GALNT1: variants seen among roughly 807,000 people sequenced by gnomAD.
GALNT1 encodes the protein polypeptide N-acetylgalactosaminyltransferase 1, also known as GalNAc transferase 1.
Under a neutral mutation model 65.7 loss-of-function variants are expected in GALNT1, and 17 were observed. The observed-to-expected ratio is 0.26, with a 90% CI of 0.18 to 0.39. GALNT1 has a LOEUF of 0.39. Ranked by LOEUF, GALNT1 falls within the 10% of genes least tolerant of loss-of-function variation. The probability of loss-of-function intolerance (pLI) is 1.00; values close to 1 mark genes in which losing one functional copy is unlikely to be tolerated. For synonymous variants in GALNT1, 210 were observed against 219.7 expected, an observed-to-expected ratio of 0.96 and a Z score of 0.39; for missense variants, 460 against 672.8, an observed-to-expected ratio of 0.68 and a Z score of 3.50.
At chr18:35,615,054 TA>T (rs1014858232) in intron 1 of GALNT1, among the ~76,000 whole-genome samples, 12 of 151,928 alleles carry the variant, frequency 7.9e-5, no homozygotes, top group Admixed American at 2.0e-4. Flanking sequence ...TTATTGCTAT[TA>T]AAAAAAACAC....
intron 5 of GALNT1, among the ~76,000 whole-genome samples, chr18:35,684,712 G>A (rs1034132537): frequency 6.6e-6 from 1 of 152,184 alleles, no homozygotes; most frequent in African/African-American, 2.4e-5. Context: ...CATTGAGTTG[G>A]CACAAAAGGA....
chr18:35,607,700 A>G (rs1343543116), intron 1 of GALNT1, among the ~76,000 whole-genome samples: 2 of 152,124 alleles, frequency 1.3e-5, no homozygotes, highest in African/African-American at 4.8e-5. Flanking sequence ...TGAAACTTCA[A>G]CTATCATATT....
intron 1 of GALNT1, among the ~76,000 whole-genome samples, chr18:35,629,977 T>C (rs947622463): frequency 7.2e-5 from 11 of 151,964 alleles, no homozygotes; most frequent in Non-Finnish European, 1.6e-4. Flanking sequence ...TACATAATGG[T>C]AAAGGGATCA....
At chr18:35,696,000 C>T (rs2144695584) in intron 9 of GALNT1, among the ~76,000 whole-genome samples, 1 of 152,310 alleles carries the variant, frequency 6.6e-6, no homozygotes, top group Non-Finnish European at 1.5e-5. Flanking sequence ...CTTGTCTGCT[C>T]CATGGTAGAT....
At chr18:35,673,039 T>C (rs1347543953) in intron 3 of GALNT1, among the ~76,000 whole-genome samples, 4 of 152,286 alleles carry the variant, frequency 2.6e-5, no homozygotes, top group Admixed American at 2.6e-4. Flanking sequence ...GCTTTGCCCT[T>C]AGTTTTATGG....
chr18:35,589,161 A>G (rs551612462), intron 1 of GALNT1, among the ~76,000 whole-genome samples: 1 of 152,246 alleles, frequency 6.6e-6, no homozygotes, highest in African/African-American at 2.4e-5. Context: ...TTGACCCAAG[A>G]GGTACAGTAT....
intron 1 of GALNT1, among the ~76,000 whole-genome samples, chr18:35,604,074 C>T (rs1162647444): frequency 2.0e-5 from 3 of 152,098 alleles, no homozygotes; most frequent in Non-Finnish European, 2.9e-5. Flanking sequence ...CCTCACCCTC[C>T]TCCCACCCTT....
intron 2 of GALNT1, among the ~76,000 whole-genome samples, chr18:35,657,897 A>C (rs552711263): frequency 6.6e-6 from 1 of 152,126 alleles, no homozygotes; most frequent in East Asian, 1.9e-4. Flanking sequence ...CTATGTATTT[A>C]TTATTATTTA....
At chr18:35,631,843 G>A (rs2047015558) in intron 1 of GALNT1, among the ~76,000 whole-genome samples, 1 of 152,136 alleles carries the variant, frequency 6.6e-6, no homozygotes, top group Non-Finnish European at 1.5e-5. Flanking sequence ...TAAGCTCATA[G>A]GCAACTTCAG....
chr18:35,692,332 ATATATATATATTC>A lies in GALNT1; in HGVS notation c.1299+16_1299+28del, dbSNP rs1235736770. ...TCTCATTGGGAGAGGTAAGAAATAT[ATATATATATATTC>A]TATGTGGTTATTATGTTCTTACTTT... is the stretch of plus-strand genomic sequence containing the variant. On this transcript the variant is annotated intron_variant, in intron 9 of 11. Transcript: ENST00000269195. 2 of 1,460,824 alleles carry A rather than the reference ATATATATATATTC, an allele frequency of 1.4e-6. No homozygotes were observed. Among genetic ancestry groups the A allele is most frequent in the South Asian group, 2.6e-5 (2 of 77,538 alleles). The allele number at this position is 1,460,824 out of a possible 1,614,324, so 90.5% of individuals were successfully genotyped here.
chr18:35,688,711 C>T (rs547978906), intron 6 of GALNT1, among the ~76,000 whole-genome samples: 3 of 152,232 alleles, frequency 2.0e-5, no homozygotes, highest in Middle Eastern at 3.4e-3. Flanking sequence ...TACTATTTGC[C>T]ACCCTTTAGA....
In GALNT1 at chr18:35,630,725, G is replaced by C. The variant is rs2046994650; in HGVS notation, c.-103-23835G>C. 3.3e-5 allele frequency among the ~76,000 whole-genome samples: 5 copies of C among 152,158 alleles called. No homozygotes were observed. The South Asian group carries it at 1.0e-3, about 31-fold the overall frequency. ...GATCAGAGCAGAACTAAAGGAGATAGAGACACAAAAAACCCTTCAAAAAAT... is the reference window on the plus strand; with the variant it reads ...GATCAGAGCAGAACTAAAGGAGATACAGACACAAAAAACCCTTCAAAAAAT... On this transcript the variant is annotated intron_variant, in intron 1 of 11. Transcript: ENST00000269195.
intron 1 of GALNT1, among the ~76,000 whole-genome samples, chr18:35,638,806 G>C (rs2047125633): frequency 6.6e-6 from 1 of 152,166 alleles, no homozygotes; most frequent in African/African-American, 2.4e-5. Flanking sequence ...GAACATTTCT[G>C]ATTCATGGGA....
intron 1 of GALNT1, among the ~76,000 whole-genome samples, chr18:35,629,668 A>G (rs965437034): frequency 2.6e-5 from 4 of 152,238 alleles, no homozygotes; most frequent in Non-Finnish European, 5.9e-5. Context: ...CTAACTAGCA[A>G]AATAGCCAGC....
chr18:35,620,578 A>AG (rs2046838061), intron 1 of GALNT1, among the ~76,000 whole-genome samples: 2 of 152,202 alleles, frequency 1.3e-5, no homozygotes, highest in South Asian at 4.1e-4. Context: ...TATTCTCTAC[A>AG]GTGTTTGTGT....
At chr18:35,673,600 T>C (rs1431462279) in intron 3 of GALNT1, among the ~76,000 whole-genome samples, 1 of 152,158 alleles carries the variant, frequency 6.6e-6, no homozygotes, top group Non-Finnish European at 1.5e-5. Context: ...TGGGATAGGA[T>C]AAATAGAGTA....
At chr18:35,654,486 TTAAA>T (rs1306717789) in intron 1 of GALNT1, 70 bp from the exon 2 acceptor site, 2 of 215,314 alleles carry the variant, frequency 9.3e-6, no homozygotes, top group African/African-American at 4.6e-5. Flanking sequence ...GTTTATAATA[TTAAA>T]TTAATTTTAT....
At chr18:35,684,702 CATT>C (rs1465718972) in intron 5 of GALNT1, among the ~76,000 whole-genome samples, 12 of 152,198 alleles carry the variant, frequency 7.9e-5, no homozygotes, top group Admixed American at 1.3e-4. Flanking sequence ...TTAAATGCAT[CATT>C]GAGTTGGCAC....
At chr18:35,672,002 T>C (rs1357371153) in intron 3 of GALNT1, among the ~76,000 whole-genome samples, 1 of 152,250 alleles carries the variant, frequency 6.6e-6, no homozygotes, top group Admixed American at 6.5e-5. Flanking sequence ...GTTTGTTCCT[T>C]TTCAAATTGT....
Sources: gnomAD v4.1 joint callset for allele counts (sites outside exome capture counted in the v4.1 genomes callset) on GRCh38, gnomAD v4.1.1 for gene constraint, MANE v1.5 for transcripts, NCBI Gene and HGNC (gene_info 2026-07-23, HGNC 2026-07-21) for gene names.